Variants in CDKAL1 observed in about 807,000 individuals in gnomAD.
The protein encoded by CDKAL1 is threonylcarbamoyladenosine tRNA methylthiotransferase.
CDKAL1 carries 32 observed loss-of-function variants against 68.2 expected under a neutral mutation model. That is an observed-to-expected ratio of 0.47 (90% confidence interval 0.35 to 0.63). CDKAL1 has a LOEUF of 0.63. Ranked by LOEUF, CDKAL1 falls within the 30% of genes least tolerant of loss-of-function variation. The pLI is 0.00. For synonymous variants in CDKAL1, 234 were observed against 244.3 expected (o/e 0.96, Z 0.39); for missense variants, 606 against 696.7 (o/e 0.87, Z 1.47).
chr6:20,789,246 A>G (rs764833224), intron 8 of CDKAL1, among the ~76,000 whole-genome samples: 84 of 152,164 alleles, frequency 5.5e-4, no homozygotes, highest in Non-Finnish European at 1.1e-3. Context: ...AAAATATCTT[A>G]TTTTCACTAA....
chr6:21,079,745 G>A (rs1395634045), intron 12 of CDKAL1, among the ~76,000 whole-genome samples: 1 of 152,194 alleles, frequency 6.6e-6, no homozygotes, highest in East Asian at 1.9e-4. Context: ...TAATGGTCAT[G>A]AGATTACTTC....
chr6:21,082,650 A>G (rs1263832177), intron 12 of CDKAL1, among the ~76,000 whole-genome samples: 1 of 152,144 alleles, frequency 6.6e-6, no homozygotes, highest in Non-Finnish European at 1.5e-5. Context: ...GGCCTTAGAA[A>G]ATTTTTAAAC....
At chr6:21,025,593 G>C (rs1213232823) in intron 11 of CDKAL1, among the ~76,000 whole-genome samples, 1 of 152,116 alleles carries the variant, frequency 6.6e-6, no homozygotes, top group Non-Finnish European at 1.5e-5. Flanking sequence ...GTGAAATGAA[G>C]GGGAACAAAA....
intron 9 of CDKAL1, among the ~76,000 whole-genome samples, chr6:20,899,122 T>G (rs1327854363): frequency 1.3e-5 from 2 of 148,156 alleles, no homozygotes; most frequent in African/African-American, 5.0e-5. Context: ...TGGAGTGCAG[T>G]GGCACAATCT....
chr6:20,649,250 A>T, intron 4 of CDKAL1, 43 bp from the exon 5 acceptor site: 2 of 1,302,456 alleles, frequency 1.5e-6, no homozygotes, highest in Non-Finnish European at 2.2e-6. Flanking sequence ...TTGAATGATT[A>T]AGTGTGCTAC....
At chr6:21,199,990 ATAAC>A (rs1268622735) in intron 14 of CDKAL1, among the ~76,000 whole-genome samples, 9 of 152,330 alleles carry the variant, frequency 5.9e-5, no homozygotes, top group East Asian at 1.9e-4. Context: ...TTCTGTCTCT[ATAAC>A]TAAGCATATC....
chr6:21,138,243 G>A (rs910357472), intron 13 of CDKAL1, among the ~76,000 whole-genome samples: 78 of 151,940 alleles, frequency 5.1e-4, no homozygotes, highest in African/African-American at 1.6e-3. Context: ...GTGTCTGTGT[G>A]TGTGTGTGTG....
intron 5 of CDKAL1, among the ~76,000 whole-genome samples, chr6:20,669,727 G>T (rs754827492): frequency 6.6e-6 from 1 of 152,002 alleles, no homozygotes; most frequent in Non-Finnish European, 1.5e-5. Context: ...GGCACCATAA[G>T]TTCAGGCTTA....
chr6:20,708,565 G>C (rs891313348), intron 5 of CDKAL1, among the ~76,000 whole-genome samples: 3 of 152,116 alleles, frequency 2.0e-5, no homozygotes, highest in African/African-American at 7.2e-5. Context: ...TTTTCTTTTG[G>C]TTTGAAGTAG....
intron 9 of CDKAL1, among the ~76,000 whole-genome samples, chr6:20,945,062 A>G (rs1005138022): frequency 3.4e-4 from 15 of 44,470 alleles, no homozygotes; most frequent in African/African-American, 1.5e-3. Flanking sequence ...GCATATGTGC[A>G]CACACACGTA....
intron 4 of CDKAL1, among the ~76,000 whole-genome samples, chr6:20,616,327 G>C (rs1435951781): frequency 6.7e-6 from 1 of 149,134 alleles, no homozygotes; most frequent in Non-Finnish European, 1.5e-5. Flanking sequence ...GAAAGTCACT[G>C]GTAGCTTGAT....
At chr6:21,176,691 T>A in intron 13 of CDKAL1, among the ~76,000 whole-genome samples, 1 of 136,040 alleles carries the variant, frequency 7.4e-6, no homozygotes, top group African/African-American at 2.8e-5. Flanking sequence ...GGTTTTTTTT[T>A]TTTTGTTTTT....
At chr6:20,814,491 C>T (rs1581632254) in intron 8 of CDKAL1, among the ~76,000 whole-genome samples, 1 of 152,052 alleles carries the variant, frequency 6.6e-6, no homozygotes, top group Non-Finnish European at 1.5e-5. Flanking sequence ...TGTTGGCCAG[C>T]CTGGTCTCGA....
chr6:21,153,890 A>C (rs908035341), intron 13 of CDKAL1, among the ~76,000 whole-genome samples: 1 of 152,210 alleles, frequency 6.6e-6, no homozygotes, highest in Non-Finnish European at 1.5e-5. Context: ...TGAGAAGGAC[A>C]CTGGACTTTT....
chr6:20,694,042 T>TTGTGTGTG (rs1231271309), intron 5 of CDKAL1, among the ~76,000 whole-genome samples: 149 of 114,404 alleles, frequency 1.3e-3, no homozygotes, highest in African/African-American at 6.0e-3. Flanking sequence ...CCGGCTAACT[T>TTGTGTGTG]TGTGTGTGTG....
intron 9 of CDKAL1, among the ~76,000 whole-genome samples, chr6:20,874,741 G>A (rs1760410296): frequency 6.6e-6 from 1 of 151,942 alleles, no homozygotes; most frequent in Non-Finnish European, 1.5e-5. Context: ...GGCATCAAGT[G>A]ATCCGCCTAC....
At chr6:21,105,685 C>T (rs539508801) in intron 12 of CDKAL1, among the ~76,000 whole-genome samples, 6 of 152,200 alleles carry the variant, frequency 3.9e-5, no homozygotes, top group South Asian at 4.2e-4. Context: ...CCCTAGAACA[C>T]GGGATACCAG....
intron 4 of CDKAL1, among the ~76,000 whole-genome samples, chr6:20,562,295 G>A (rs989871643): frequency 7.9e-5 from 12 of 151,978 alleles, no homozygotes; most frequent in African/African-American, 2.7e-4. Context: ...GAAATAATAA[G>A]GGCCTTCAAA....
At chr6:21,157,435 GAAAC>G (rs1018532067) in intron 13 of CDKAL1, among the ~76,000 whole-genome samples, 4 of 152,200 alleles carry the variant, frequency 2.6e-5, no homozygotes, top group African/African-American at 9.6e-5. Context: ...CTGTCTCAAA[GAAAC>G]AAACAAAAAA....
Sources: allele counts gnomAD v4.1 joint callset (sites outside exome capture counted in the v4.1 genomes callset), GRCh38; gene constraint gnomAD v4.1.1; transcripts MANE v1.5; gene names NCBI Gene and HGNC (gene_info 2026-07-23, HGNC 2026-07-21).